Variants in ZNF500 observed in about 807,000 individuals in gnomAD.
The protein encoded by ZNF500 is zinc finger protein with KRAB and SCAN domains 18.
In ZNF500, 31 loss-of-function variants were observed where a neutral mutation model predicts 30.1. That is an observed-to-expected ratio of 1.03 (90% CI 0.77 to 1.39). ZNF500 has a LOEUF of 1.39. Among genes scored for constraint, ZNF500 ranks in the 40% most tolerant of loss-of-function variants. The pLI is 0.00. For missense variants in ZNF500, 817 were observed against 657.8 expected (o/e 1.24, Z -2.65); for synonymous variants, 392 against 282.0 (o/e 1.39, Z -3.91).
In ZNF500 at chr16:4,749,472, A is replaced by G. The variant is rs1250536958; in HGVS notation, c.*2904T>C. ...ACCTGCGTCCAAAGCTGGCTCTGCC[A>G]CCTGGGCAAGGTTTTCACGCTCCCA... On this transcript the variant is annotated 3_prime_UTR_variant, in exon 6 of 6. Coordinates refer to ENST00000219478, the MANE Select transcript of ZNF500 (RefSeq NM_021646.4). 1 of 154,438 alleles carries G rather than the reference A, an allele frequency of 6.5e-6. No individual in the cohort carries two copies. The highest frequency in any genetic ancestry group is 2.4e-5 in the African/African-American group (1 of 41,524). The allele number at this position is 154,438 out of a possible 1,614,324, so 9.6% of individuals were successfully genotyped here.
chr16:4,752,541 G>A lies in ZNF500; in HGVS notation c.1278C>T (p.Ala426=). The change falls in exon 6 of 6, where the codon GCC becomes GCT. Residue 426 remains alanine (A), a synonymous_variant. Coordinates refer to ENST00000219478, the MANE Select transcript of ZNF500 (RefSeq NM_021646.4). ...KRFNNSSHFS[A]HRRTHTGEKP... ...TCTCACCTGTGTGCGTCCGGCGGTGGGCGCTGAAGTGCGAGCTGTTGTTGA... is the reference window on the plus strand; with the variant it reads ...TCTCACCTGTGTGCGTCCGGCGGTGAGCGCTGAAGTGCGAGCTGTTGTTGA... The A allele has an allele frequency of 6.4e-7, 1 of 1,567,504 alleles. No homozygotes were observed. Among genetic ancestry groups the A allele is most frequent in the Non-Finnish European group, 8.6e-7 (1 of 1,160,696 alleles).
At chr16:4,764,386 C>T (rs557970750) in intron 2 of ZNF500, among the ~76,000 whole-genome samples, 4 of 152,196 alleles carry the variant, frequency 2.6e-5, no homozygotes, top group Middle Eastern at 3.4e-3. Flanking sequence ...ATCAGCCTGG[C>T]GTGGTGGCAG....
rs1298318617 is a variant in ZNF500 at position 4,751,745 on chromosome 16, G to C, written c.*631C>G. On this transcript the variant is annotated 3_prime_UTR_variant, in exon 6 of 6. Transcript: ENST00000219478. The stretch of plus-strand genomic sequence containing the variant: ...GGGACCCTAAACCCAGTGAGTGGTG[G>C]CCCTACCAAAAAAGAGACTGGGCAT... The C allele has an allele frequency of 4.4e-6, 5 of 1,141,798 alleles. No individual in the cohort carries two copies. The East Asian group carries it at 7.7e-5, about 18-fold the overall frequency. 70.7% of individuals were successfully genotyped at this position (1,141,798 alleles called of 1,614,324 possible).
Position 4,752,678 on chromosome 16 carries a change from A to G in ZNF500, c.1141T>C (p.Tyr381His). 2 of 1,613,976 alleles carry G rather than the reference A, an allele frequency of 1.2e-6. No individual in the cohort carries two copies. Among genetic ancestry groups the G allele is most frequent in the Non-Finnish European group, 8.5e-7 (1 of 1,179,972 alleles). Residue 381 changes from tyrosine to histidine, a missense_variant, in exon 6 of 6, where the codon TAC becomes CAC. By Grantham distance (83) the Tyr-to-His change is moderately conservative (BLOSUM62 2). Transcript: ENST00000219478. ...HQRVHTGEKP[Y>H]PCPECGKRFS... ...CGCTTCCCACACTCGGGGCACGGGT[A>G]GGGCTTCTCGCCTGTGTGCACCCTC...
rs1257321623 is a variant in ZNF500, at chr16:4,752,427, G to A, written c.1392C>T (p.Ser464=). The change falls in exon 6 of 6, where the codon TCC becomes TCT. Residue 464 remains serine, a synonymous_variant. Transcript: ENST00000219478. ...KHQRTHMGAG[S]LPTLQPVAPG... ...GAGCCACCGGCTGGAGCGTCGGCAA[G>A]GAGCCTGCCCCCATGTGGGTCCGCT... 4 of 1,531,252 alleles carry A rather than the reference G, an allele frequency of 2.6e-6. No homozygotes were observed. In the African/African-American group the frequency reaches 4.1e-5, roughly 16 times the overall value. The allele number at this position is 1,531,252 out of a possible 1,614,324, so 94.9% of individuals were successfully genotyped here. A position where few individuals can be genotyped will look rare whatever the true frequency, so the allele number is the denominator to read the frequency against.
chr16:4,760,794 G>C (rs913188779), intron 4 of ZNF500, among the ~76,000 whole-genome samples: 1 of 152,174 alleles, frequency 6.6e-6, no homozygotes, highest in African/African-American at 2.4e-5. Flanking sequence ...TGCAGAGCTG[G>C]GACACCACCG....
downstream of ZNF500, among the ~76,000 whole-genome samples, chr16:4,745,803 A>T (rs567185800): frequency 3.9e-5 from 6 of 152,006 alleles, no homozygotes; most frequent in African/African-American, 1.2e-4. Context: ...ACACAAAAAA[A>T]TTTTCCAGGC....
intron 5 of ZNF500, among the ~76,000 whole-genome samples, chr16:4,754,674 A>T (rs888054490): frequency 6.6e-6 from 1 of 151,600 alleles, no homozygotes; most frequent in Admixed American, 6.6e-5. Flanking sequence ...AAAAAAATAA[A>T]AAAAAAAAAA....
intron 4 of ZNF500, among the ~76,000 whole-genome samples, chr16:4,761,667 G>A (rs537259942): frequency 1.3e-5 from 2 of 150,926 alleles, no homozygotes; most frequent in South Asian, 2.1e-4. Context: ...GCAGCACAGC[G>A]AGACTGTGTC....
At chr16:4,746,733 A>T, downstream of ZNF500, 2 of 760,034 alleles carry the variant, frequency 2.6e-6, no homozygotes, top group Non-Finnish European at 4.1e-6. Context: ...TATGCAATAG[A>T]GCCCAACACG....
At chr16:4,757,971 G>C (rs1368984002) in intron 5 of ZNF500, among the ~76,000 whole-genome samples, 1 of 147,196 alleles carries the variant, frequency 6.8e-6, no homozygotes, top group Non-Finnish European at 1.5e-5. Context: ...GCGTGATCTT[G>C]GCTTACTGCA....
downstream of ZNF500, chr16:4,746,859 A>C: frequency 7.2e-7 from 1 of 1,395,672 alleles, no homozygotes; most frequent in Non-Finnish European, 9.6e-7. Context: ...CGAGTGCTTC[A>C]AGCCCCAACA....
At position 4,766,607 on chromosome 16, in the gene ZNF500, A is replaced by G. The variant is rs537974267; in HGVS notation, c.-99+410T>C. 3.3e-5 allele frequency among the ~76,000 whole-genome samples: 5 copies of G among 152,256 alleles called. No homozygotes were observed. In the South Asian group the frequency reaches 8.3e-4, roughly 25 times the overall value. ...CTGCACTCCAGCCTGGGCGACAGAGAGAGACTCAAACAAAAACAATCTAAA... is the reference window on the plus strand; with the variant it reads ...CTGCACTCCAGCCTGGGCGACAGAGGGAGACTCAAACAAAAACAATCTAAA... On this transcript the variant is annotated intron_variant, in intron 1 of 5. Coordinates refer to ENST00000219478, the MANE Select transcript of ZNF500 (RefSeq NM_021646.4).
chr16:4,764,006 T>G lies in ZNF500; in HGVS notation c.415-1250A>C. On this transcript the variant is annotated intron_variant, in intron 2 of 5. Transcript: ENST00000219478. ...TGAAACAGCAGGTGGCAGGACTTCT[T>G]TCTAATCTCAAGGAGTTCCACAACT... 3 of 985,398 alleles carry G rather than the reference T, an allele frequency of 3.0e-6. No homozygotes were observed. The South Asian group carries it at 1.4e-4, about 46-fold the overall frequency. The allele number at this position is 985,398 out of a possible 1,614,324, so 61.0% of individuals were successfully genotyped here. A position where few individuals can be genotyped will look rare whatever the true frequency, so the allele number is the denominator to read the frequency against.
downstream of ZNF500, among the ~76,000 whole-genome samples, chr16:4,745,499 T>C (rs114198539): frequency 0.012 from 1,786 of 152,258 alleles, 25 homozygotes; most frequent in African/African-American, 0.031. Flanking sequence ...GAGGCAGAGG[T>C]GGAGGCAGGG....
chr16:4,746,730 T>C (rs752497682), downstream of ZNF500: 261 of 769,916 alleles, frequency 3.4e-4, no homozygotes, highest in African/African-American at 7.1e-5. Flanking sequence ...CTCTATGCAA[T>C]AGAGCCCAAC....
At chr16:4,764,707 G>C (rs1172853398) in intron 2 of ZNF500, among the ~76,000 whole-genome samples, 1 of 150,944 alleles carries the variant, frequency 6.6e-6, no homozygotes, top group African/African-American at 2.5e-5. Context: ...GCGTGAATCC[G>C]GGAGGCGGAG....
chr16:4,744,905 G>A (rs765863181), downstream of ZNF500: 5 of 1,613,862 alleles, frequency 3.1e-6, no homozygotes, highest in Non-Finnish European at 4.2e-6. Context: ...CAGGCTCATG[G>A]AACAGCTGGC....
At chr16:4,753,490 AAG>A (rs2142228115) in intron 5 of ZNF500, among the ~76,000 whole-genome samples, 1 of 152,300 alleles carries the variant, frequency 6.6e-6, no homozygotes, top group Non-Finnish European at 1.5e-5. Flanking sequence ...AAAACAAACA[AAG>A]AGGAACGCAC....
Sources: allele counts gnomAD v4.1 joint callset (sites outside exome capture counted in the v4.1 genomes callset), GRCh38; gene constraint gnomAD v4.1.1; transcripts MANE v1.5; gene names NCBI Gene and HGNC (gene_info 2026-07-23, HGNC 2026-07-21).